Variants in CNTNAP5 observed in about 807,000 individuals in gnomAD.
The protein encoded by CNTNAP5 is contactin associated protein family member 5.
In CNTNAP5, 72 loss-of-function variants were observed where a neutral mutation model predicts 150.2. That is an observed-to-expected ratio of 0.48 (90% confidence interval 0.40 to 0.58). The LOEUF (loss-of-function observed/expected upper bound fraction) is 0.58. Among genes scored for constraint, CNTNAP5 ranks in the 20% least tolerant of loss-of-function variants. The pLI, the probability that CNTNAP5 is intolerant of heterozygous loss-of-function variation, is 0.00. For synonymous variants in CNTNAP5, 672 were observed against 619.8 expected (o/e 1.08, Z -1.25); for missense variants, 1,636 against 1,626.2 (o/e 1.01, Z -0.10).
intron 13 of CNTNAP5, among the ~76,000 whole-genome samples, 151 bp downstream of exon 13, chr2:124,648,109 T>C (rs965153244): frequency 1.3e-5 from 2 of 152,206 alleles, no homozygotes; most frequent in Non-Finnish European, 2.9e-5. Context: ...TCTGGTTATG[T>C]AGTAATCCTG....
Position 124,085,121 on chromosome 2 carries a change from C to T in CNTNAP5, c.82+59389C>T, listed in dbSNP as rs543714721. The stretch of plus-strand genomic sequence containing the variant: ...ATTTTTAGTAGAGACGGGGTTTCAC[C>T]ATGTTGGTCAGGCTGGTCTTGAACC... On this transcript the variant is annotated intron_variant, in intron 1 of 23. Transcript: ENST00000682447. 2.6e-4 allele frequency among the ~76,000 whole-genome samples: 39 copies of T among 151,048 alleles called. No individual in the cohort carries two copies. In the South Asian group the frequency reaches 7.7e-3, roughly 30 times the overall value.
chr2:124,760,465 C>T (rs1264216743), intron 14 of CNTNAP5, among the ~76,000 whole-genome samples: 3 of 152,014 alleles, frequency 2.0e-5, no homozygotes, highest in Non-Finnish European at 4.4e-5. Context: ...TACCCCGCCC[C>T]CACCACTCTG....
At chr2:124,863,853 A>G (rs1388957026) in intron 19 of CNTNAP5, among the ~76,000 whole-genome samples, 1 of 152,082 alleles carries the variant, frequency 6.6e-6, no homozygotes, top group African/African-American at 2.4e-5. Flanking sequence ...GATGAGAAAG[A>G]GTTACTTTAG....
At chr2:124,431,282 G>A (rs1347186773) in intron 4 of CNTNAP5, among the ~76,000 whole-genome samples, 1 of 152,098 alleles carries the variant, frequency 6.6e-6, no homozygotes, top group African/African-American at 2.4e-5. Context: ...TAACGATGAT[G>A]AATGGAGAGG....
chr2:124,425,596 C>G (rs1050969935), intron 4 of CNTNAP5, among the ~76,000 whole-genome samples: 2 of 152,160 alleles, frequency 1.3e-5, no homozygotes, highest in African/African-American at 4.8e-5. Flanking sequence ...CCATGCACCT[C>G]TTACTTAGGT....
intron 11 of CNTNAP5, among the ~76,000 whole-genome samples, chr2:124,575,604 T>C (rs1290172925): frequency 6.6e-6 from 1 of 152,210 alleles, no homozygotes; most frequent in Non-Finnish European, 1.5e-5. Flanking sequence ...TTCCAAATAA[T>C]TGTCTATTCT....
chr2:124,412,427 T>C (rs888086962), intron 3 of CNTNAP5, among the ~76,000 whole-genome samples: 1 of 147,594 alleles, frequency 6.8e-6, no homozygotes, highest in African/African-American at 2.5e-5. Context: ...GCCAAGGCAA[T>C]CCTAAGCCAA....
intron 1 of CNTNAP5, among the ~76,000 whole-genome samples, chr2:124,120,289 A>G (rs1487617178): frequency 6.6e-6 from 1 of 152,198 alleles, no homozygotes; most frequent in Non-Finnish European, 1.5e-5. Context: ...AAGGATAGAG[A>G]GACAAAAAAG....
rs1050615956 is a variant in CNTNAP5 at position 124,909,918 on chromosome 2, T to A, written c.3656-1549T>A. ...CATCCAGGTGTACAGAGATGATTAA[T>A]AATATCAATTTCCAACTCCAAGTTT... On this transcript the variant is annotated intron_variant, in intron 22 of 23. Coordinates refer to ENST00000682447, the MANE Select transcript of CNTNAP5 (RefSeq NM_001367498.1). Among the ~76,000 whole-genome samples the A allele has an allele frequency of 1.4e-4, 20 of 145,734 alleles. 1 individual carries two copies. In the Admixed American group the frequency reaches 1.4e-3, roughly 10 times the overall value.
At chr2:124,749,580 C>T (rs749946672) in intron 14 of CNTNAP5, among the ~76,000 whole-genome samples, 12 of 151,966 alleles carry the variant, frequency 7.9e-5, no homozygotes, top group African/African-American at 1.5e-4. Flanking sequence ...CACACCACCA[C>T]GCCTAGCTAA....
At chr2:124,330,672 A>G (rs745672799) in intron 3 of CNTNAP5, among the ~76,000 whole-genome samples, 2 of 152,320 alleles carry the variant, frequency 1.3e-5, no homozygotes, top group Non-Finnish European at 2.9e-5. Flanking sequence ...TGAGTCAATT[A>G]AACCTCTTCT....
intron 3 of CNTNAP5, among the ~76,000 whole-genome samples, chr2:124,313,255 ATTTGT>A (rs201565933): frequency 2.0e-5 from 3 of 152,076 alleles, no homozygotes; most frequent in African/African-American, 7.2e-5. Flanking sequence ...GAGTGGTTAG[ATTTGT>A]TTTGTTTTGT....
chr2:124,581,682 C>G (rs1696416741), intron 11 of CNTNAP5, among the ~76,000 whole-genome samples: 1 of 152,150 alleles, frequency 6.6e-6, no homozygotes, highest in Non-Finnish European at 1.5e-5. Context: ...AAGAGACCCT[C>G]CCTTATACCC....
chr2:124,321,907 T>C (rs1689108250), intron 3 of CNTNAP5, among the ~76,000 whole-genome samples: 1 of 152,168 alleles, frequency 6.6e-6, no homozygotes, highest in African/African-American at 2.4e-5. Flanking sequence ...CCCAACACTT[T>C]GGGAAGCCAA....
At chr2:124,246,424 G>A (rs2104774060) in intron 3 of CNTNAP5, among the ~76,000 whole-genome samples, 1 of 152,282 alleles carries the variant, frequency 6.6e-6, no homozygotes, top group South Asian at 2.1e-4. Flanking sequence ...GCATGAAGGT[G>A]TGTCAGGGAC....
intron 1 of CNTNAP5, among the ~76,000 whole-genome samples, chr2:124,215,865 ATAC>A (rs1157070934): frequency 6.6e-6 from 1 of 152,190 alleles, no homozygotes; most frequent in Admixed American, 6.5e-5. Flanking sequence ...GTTATAAATA[ATAC>A]TACTACTAAT....
intron 1 of CNTNAP5, among the ~76,000 whole-genome samples, chr2:124,216,610 A>G (rs1244804672): frequency 2.0e-5 from 3 of 152,030 alleles, no homozygotes; most frequent in Non-Finnish European, 2.9e-5. Flanking sequence ...TCATTGTTCA[A>G]TTCCCACCTA....
intron 11 of CNTNAP5, among the ~76,000 whole-genome samples, chr2:124,576,136 GTATATA>G (rs1182520862): frequency 2.1e-5 from 3 of 140,124 alleles, no homozygotes; most frequent in African/African-American, 8.3e-5. Context: ...TTGGATGGCT[GTATATA>G]TCTATATCTA....
chr2:124,724,147 T>TAATAATAAG (rs1553435573), intron 13 of CNTNAP5, among the ~76,000 whole-genome samples: 14 of 146,116 alleles, frequency 9.6e-5, no homozygotes, highest in Middle Eastern at 7.2e-3. Context: ...CCATCTCAAA[T>TAATAATAAG]AATAATAATA....
Sources: gnomAD v4.1 joint callset for allele counts (sites outside exome capture counted in the v4.1 genomes callset) on GRCh38, gnomAD v4.1.1 for gene constraint, MANE v1.5 for transcripts, NCBI Gene and HGNC (gene_info 2026-07-23, HGNC 2026-07-21) for gene names.